CCBE1: variants seen among roughly 807,000 people sequenced by gnomAD.
CCBE1 encodes the protein collagen and calcium binding EGF domains 1.
A neutral mutation model predicts 50.0 loss-of-function variants in CCBE1; 37 were observed. That is an observed-to-expected ratio of 0.74 (90% CI 0.57 to 0.97). The LOEUF is 0.97. Ranked by LOEUF, CCBE1 falls within the 50% of genes least tolerant of loss-of-function variation. CCBE1 has a pLI of 0.00. For synonymous variants in CCBE1, 234 were observed against 203.7 expected (o/e 1.15, Z -1.27); for missense variants, 538 against 523.8 (o/e 1.03, Z -0.26).
chr18:59,587,999 C>A (rs75427867), intron 2 of CCBE1, among the ~76,000 whole-genome samples: 1 of 152,036 alleles, frequency 6.6e-6, no homozygotes, highest in Non-Finnish European at 1.5e-5. Flanking sequence ...AAGAAGAAAT[C>A]GGATCCTGAT....
intron 3 of CCBE1, among the ~76,000 whole-genome samples, chr18:59,474,842 G>T (rs909222784): frequency 6.6e-6 from 1 of 152,092 alleles, no homozygotes; most frequent in Non-Finnish European, 1.5e-5. Context: ...TGTAAATTGG[G>T]GTTGCTCCTT....
intron 2 of CCBE1, among the ~76,000 whole-genome samples, chr18:59,518,291 C>A (rs1198877727): frequency 6.6e-6 from 1 of 152,140 alleles, no homozygotes; most frequent in African/African-American, 2.4e-5. Flanking sequence ...GAGTTCAAGA[C>A]CAGCCTGGCC....
chr18:59,498,526 G>T (rs1206434298), intron 2 of CCBE1, among the ~76,000 whole-genome samples: 1 of 152,180 alleles, frequency 6.6e-6, no homozygotes, highest in African/African-American at 2.4e-5. Flanking sequence ...TGGAATTAGT[G>T]AATTATTTAC....
intron 2 of CCBE1, among the ~76,000 whole-genome samples, chr18:59,664,987 G>A (rs1043197778): frequency 6.6e-6 from 1 of 152,140 alleles, no homozygotes; most frequent in Non-Finnish European, 1.5e-5. Context: ...CTTAGGAGTT[G>A]CATTTTCTTG....
intron 2 of CCBE1, among the ~76,000 whole-genome samples, chr18:59,499,005 T>C (rs1913486486): frequency 1.3e-5 from 2 of 152,214 alleles, no homozygotes; most frequent in South Asian, 2.1e-4. Context: ...GAGCAAATAG[T>C]GCCATGTGAT....
chr18:59,625,662 A>G (rs530814792), intron 2 of CCBE1, among the ~76,000 whole-genome samples: 10 of 152,224 alleles, frequency 6.6e-5, no homozygotes, highest in African/African-American at 2.4e-4. Context: ...GCTGGGACAG[A>G]GATGAGAATC....
At chr18:59,445,820 T>C (rs1910643120) in intron 7 of CCBE1, among the ~76,000 whole-genome samples, 1 of 152,200 alleles carries the variant, frequency 6.6e-6, no homozygotes, top group Non-Finnish European at 1.5e-5. Flanking sequence ...GATCACAGTA[T>C]GTCAAGTGCC....
At chr18:59,536,306 C>A (rs1221636016) in intron 2 of CCBE1, among the ~76,000 whole-genome samples, 1 of 152,172 alleles carries the variant, frequency 6.6e-6, no homozygotes, top group Non-Finnish European at 1.5e-5. Flanking sequence ...CAGCTCATGG[C>A]AGGCACTCAG....
intron 2 of CCBE1, among the ~76,000 whole-genome samples, chr18:59,593,939 CA>C (rs2053312171): frequency 1.3e-5 from 2 of 152,234 alleles, no homozygotes; most frequent in Non-Finnish European, 2.9e-5. Flanking sequence ...ATTCCAACAG[CA>C]ATGACATATT....
At chr18:59,688,932 A>G (rs1447129244) in intron 2 of CCBE1, among the ~76,000 whole-genome samples, 2 of 152,214 alleles carry the variant, frequency 1.3e-5, no homozygotes, top group Admixed American at 1.3e-4. Context: ...ATAGATGGAA[A>G]GCCCCAATCC....
chr18:59,497,296 C>T (rs1275461416), intron 2 of CCBE1, among the ~76,000 whole-genome samples: 1 of 152,108 alleles, frequency 6.6e-6, no homozygotes, highest in African/African-American at 2.4e-5. Context: ...CTGATAGATG[C>T]CGTGGGGGAA....
Position 59,545,688 on chromosome 18 carries a change from G to C in CCBE1, c.213-65450C>G, listed in dbSNP as rs561429422. 2.0e-5 allele frequency among the ~76,000 whole-genome samples: 3 copies of C among 152,260 alleles called. No homozygotes were observed. The South Asian group carries it at 6.2e-4, about 32-fold the overall frequency. ...CTATAATTCCCATGTGTTGTGGGAG[G>C]GACCCAGTGGGAGATAATTTGAATC... On this transcript the variant is annotated intron_variant, in intron 2 of 10. Transcript: ENST00000439986.
At position 59,616,268 on chromosome 18, in the gene CCBE1, A is replaced by G. The variant is rs150885000; in HGVS notation, c.212+80361T>C. On this transcript the variant is annotated intron_variant, in intron 2 of 10. Transcript: ENST00000439986. Reference sequence around the variant, plus strand: ...TTAGGGAATGCTCATCTTAAACAAAAAGTTGGCAAAATGGAAAAAGAAAAC... The same window carrying G: ...TTAGGGAATGCTCATCTTAAACAAAGAGTTGGCAAAATGGAAAAAGAAAAC... Among the ~76,000 whole-genome samples, 387 of 152,312 alleles carry G rather than the reference A, an allele frequency of 2.5e-3. 10 individuals are homozygous for G. The East Asian group carries it at 0.037, about 15-fold the overall frequency.
At chr18:59,528,208 C>T (rs1237759138) in intron 2 of CCBE1, among the ~76,000 whole-genome samples, 2 of 152,230 alleles carry the variant, frequency 1.3e-5, no homozygotes, top group African/African-American at 2.4e-5. Context: ...TCTTGTCTAC[C>T]TGTCTTACTT....
intron 2 of CCBE1, among the ~76,000 whole-genome samples, chr18:59,686,658 C>T (rs1417275716): frequency 1.3e-5 from 2 of 152,142 alleles, no homozygotes; most frequent in African/African-American, 4.8e-5. Context: ...TTTGTAATAT[C>T]CATTTTGGAT....
At chr18:59,629,709 C>T (rs139327297) in intron 2 of CCBE1, among the ~76,000 whole-genome samples, 238 of 152,272 alleles carry the variant, frequency 1.6e-3, no homozygotes, top group African/African-American at 5.4e-3. Flanking sequence ...CGAGTAGTCT[C>T]CGAGAGCCCT....
intron 2 of CCBE1, among the ~76,000 whole-genome samples, chr18:59,694,025 C>T (rs58715599): frequency 0.015 from 2,282 of 151,942 alleles, 71 homozygotes; most frequent in African/African-American, 0.053. Context: ...GTGTGTGCCA[C>T]CACACCATGC....
chr18:59,456,151 G>C (rs980596161), intron 5 of CCBE1, among the ~76,000 whole-genome samples: 1 of 152,160 alleles, frequency 6.6e-6, no homozygotes, highest in African/African-American at 2.4e-5. Flanking sequence ...CCACTCACAG[G>C]CTGGTCTTCT....
chr18:59,679,175 T>C (rs1652067), intron 2 of CCBE1, among the ~76,000 whole-genome samples: 137,675 of 151,922 alleles, frequency 0.91, 63,513 homozygotes, highest in East Asian at 1. Flanking sequence ...ACAAACAGCG[T>C]CACAACTCAC....
Sources: gnomAD v4.1 joint callset for allele counts (sites outside exome capture counted in the v4.1 genomes callset) on GRCh38, gnomAD v4.1.1 for gene constraint, MANE v1.5 for transcripts, NCBI Gene and HGNC (gene_info 2026-07-23, HGNC 2026-07-21) for gene names.